Variants in SELENOT observed in about 807,000 individuals in gnomAD.
The protein encoded by SELENOT is thioredoxin reductase-like selenoprotein T.
In SELENOT, 9 loss-of-function variants were observed where a neutral mutation model predicts 24.3. The observed-to-expected ratio is 0.37, with a 90% CI of 0.22 to 0.65. The LOEUF (loss-of-function observed/expected upper bound fraction) is 0.65. SELENOT is among the 30% of genes least tolerant of loss of function. The pLI is 0.60. For missense variants in SELENOT, 166 were observed against 247.6 expected, an observed-to-expected ratio of 0.67 and a Z score of 2.21; for synonymous variants, 81 against 86.0, an observed-to-expected ratio of 0.94 and a Z score of 0.32.
chr3:150,611,199 C>G, intron 1 of SELENOT: 2 of 820,356 alleles, frequency 2.4e-6, no homozygotes, highest in South Asian at 3.3e-5. Flanking sequence ...AAGAACATTT[C>G]TACATGTGAA....
intron 1 of SELENOT, among the ~76,000 whole-genome samples, chr3:150,619,953 G>A (rs909218002): frequency 1.3e-5 from 2 of 152,208 alleles, no homozygotes; most frequent in African/African-American, 4.8e-5. Context: ...AAAGTATGAT[G>A]TGGCTATCTT....
At position 150,623,696 on chromosome 3, in the gene SELENOT, G is replaced by T. The variant is rs567211074; in HGVS notation, c.375+527G>T. On this transcript the variant is annotated intron_variant, in intron 3 of 5. Transcript: ENST00000471696. ...TAAATATACTTAAGAACTTTGTGCT[G>T]TTTCTCTTTTCCTTTTGTAGGGTCT... is the stretch of plus-strand genomic sequence containing the variant. 1.4e-4 allele frequency among the ~76,000 whole-genome samples: 21 copies of T among 151,974 alleles called. No homozygotes were observed. The South Asian group carries it at 3.7e-3, about 27-fold the overall frequency.
At chr3:150,617,052 A>G (rs2108010518) in intron 1 of SELENOT, among the ~76,000 whole-genome samples, 1 of 152,362 alleles carries the variant, frequency 6.6e-6, no homozygotes, top group South Asian at 2.1e-4. Flanking sequence ...AATTATTATA[A>G]TAGTTGAAAG....
At chr3:150,624,144 A>G (rs1363176453) in intron 3 of SELENOT, among the ~76,000 whole-genome samples, 1 of 152,086 alleles carries the variant, frequency 6.6e-6, no homozygotes, top group African/African-American at 2.4e-5. Flanking sequence ...AACATTCCCA[A>G]ATGGTAGAGT....
At chr3:150,615,882 G>A (rs1192417429) in intron 1 of SELENOT, among the ~76,000 whole-genome samples, 14 of 150,898 alleles carry the variant, frequency 9.3e-5, no homozygotes, top group South Asian at 8.3e-4. Context: ...AAAAGAGCCC[G>A]CATCACCAAG....
intron 1 of SELENOT, among the ~76,000 whole-genome samples, chr3:150,620,439 G>C (rs1206961434): frequency 1.3e-5 from 2 of 152,190 alleles, no homozygotes; most frequent in Non-Finnish European, 2.9e-5. Context: ...CACAAAGACT[G>C]TGTTCTGGTC....
chr3:150,617,713 CAT>C (rs1483258938), intron 1 of SELENOT, among the ~76,000 whole-genome samples: 1 of 151,840 alleles, frequency 6.6e-6, no homozygotes, highest in Non-Finnish European at 1.5e-5. Flanking sequence ...CACCTGGTCT[CAT>C]ATAATATAGT....
intron 1 of SELENOT, among the ~76,000 whole-genome samples, chr3:150,616,905 A>G (rs577408779): frequency 5.3e-4 from 81 of 152,342 alleles, no homozygotes; most frequent in Non-Finnish European, 9.7e-4. Flanking sequence ...TGGCCTCCCA[A>G]AGTGCTGGGA....
intron 1 of SELENOT, among the ~76,000 whole-genome samples, chr3:150,620,105 A>C (rs1294643847): frequency 6.6e-6 from 1 of 152,222 alleles, no homozygotes; most frequent in Non-Finnish European, 1.5e-5. Context: ...TGAACCAAGT[A>C]GATTTATGCT....
chr3:150,612,966 A>G (rs1409352253), intron 1 of SELENOT, among the ~76,000 whole-genome samples: 2 of 152,248 alleles, frequency 1.3e-5, no homozygotes, highest in Non-Finnish European at 2.9e-5. Flanking sequence ...CAGCTTATCT[A>G]TTTTTCAATA....
intron 1 of SELENOT, among the ~76,000 whole-genome samples, chr3:150,621,614 C>CTTTTTTTTTTTTTTTTTTTT: frequency 1.2e-5 from 1 of 80,578 alleles, no homozygotes; most frequent in Non-Finnish European, 2.2e-5. Context: ...GGCATATTTC[C>CTTTTTTTTTTTTTTTTTTTT]TTTTTTTTTT....
chr3:150,608,896 A>G lies in SELENOT; in HGVS notation c.137+5397A>G, dbSNP rs116417183. ...AAAAATTGAAACATAATTTCCTAAC[A>G]GTTTGCCATTAAGGCAAGTGCTGGA... is the stretch of plus-strand genomic sequence containing the variant. On this transcript the variant is annotated intron_variant, in intron 1 of 5. Transcript: ENST00000471696. Among the ~76,000 whole-genome samples the G allele has an allele frequency of 3.2e-3, 480 of 152,376 alleles. 2 individuals carry two copies. Among genetic ancestry groups the G allele is most frequent in the Non-Finnish European group, 5.5e-3 (375 of 68,034 alleles).
chr3:150,617,832 T>TG (rs1395990666), intron 1 of SELENOT, among the ~76,000 whole-genome samples: 1 of 126,446 alleles, frequency 7.9e-6, no homozygotes, highest in Non-Finnish European at 1.7e-5. Context: ...TGTTTGCAAC[T>TG]GTTTTTGTTT....
chr3:150,622,949 G>A, intron 2 of SELENOT, 94 bp from the exon 3 acceptor site: 1 of 1,139,032 alleles, frequency 8.8e-7, no homozygotes, highest in South Asian at 2.6e-5. Flanking sequence ...TAGATTTGGT[G>A]TCTAGAAAAT....
Position 150,627,112 on chromosome 3 carries a change from C to T in SELENOT, c.566C>T (p.Ser189Leu). The T allele has an allele frequency of 6.2e-7, 1 of 1,613,352 alleles. No homozygotes were observed. The highest frequency in any genetic ancestry group is 8.5e-7 in the Non-Finnish European group (1 of 1,179,560). ...ATGAAGCTCAATGTGCATATGGATT[C>T]AATCCCACACCATCGATCATAGCAC... ...NEMKLNVHMDSIPHHRS is the reference protein window; with the variant it reads ...NEMKLNVHMDLIPHHRS The change falls in exon 5 of 6, where the codon TCA (serine) becomes TTA (leucine). Residue 189 changes from serine to leucine, a missense_variant. This residue lies in a region of SELENOT where 44 missense variants were observed against 72.2 expected (regional missense o/e 0.61). Transcript: ENST00000471696.
chr3:150,627,372 T>C (rs1726467738), intron 5 of SELENOT, among the ~76,000 whole-genome samples: 2 of 152,242 alleles, frequency 1.3e-5, no homozygotes, highest in South Asian at 4.1e-4. Flanking sequence ...CTTCAAGGCT[T>C]AATGATTGGG....
intron 1 of SELENOT, among the ~76,000 whole-genome samples, chr3:150,604,135 G>A (rs1335160391): frequency 1.3e-5 from 2 of 152,194 alleles, no homozygotes; most frequent in Admixed American, 6.5e-5. Flanking sequence ...AAAGGAGCAC[G>A]TTGTTCTTCT....
intron 4 of SELENOT, chr3:150,626,764 T>A: frequency 2.6e-6 from 1 of 384,002 alleles, no homozygotes; most frequent in Non-Finnish European, 4.6e-6. Flanking sequence ...TGTGTATATG[T>A]CCCTCCTAGT....
In SELENOT at chr3:150,622,608, A is replaced by G. The variant is rs1726366597; in HGVS notation, c.248+113A>G. The G allele has an allele frequency of 6.5e-6, 3 of 463,832 alleles. No homozygotes were observed. The Admixed American group carries it at 1.2e-4, about 19-fold the overall frequency. The allele number at this position is 463,832 out of a possible 1,614,324, so 28.7% of individuals were successfully genotyped here. A position where few individuals can be genotyped will look rare whatever the true frequency, so the allele number is the denominator to read the frequency against. On this transcript the variant is annotated intron_variant, in intron 2 of 5. Coordinates refer to ENST00000471696, the MANE Select transcript of SELENOT (RefSeq NM_016275.5). Reference sequence around the variant, plus strand: ...TTGTAATTACTTAGTTGGTTATAATAATATACAGAGAATGCTGTTTTATAT... The same window carrying G: ...TTGTAATTACTTAGTTGGTTATAATGATATACAGAGAATGCTGTTTTATAT...
Sources: allele counts gnomAD v4.1 joint callset (sites outside exome capture counted in the v4.1 genomes callset), GRCh38; gene constraint gnomAD v4.1.1; regional missense constraint gnomAD v4.1.1; transcripts MANE v1.5; gene names NCBI Gene and HGNC (gene_info 2026-07-23, HGNC 2026-07-21).